ITGA8: variants seen among roughly 807,000 people sequenced by gnomAD.
The protein encoded by ITGA8 is integrin alpha-8.
A neutral mutation model predicts 142.3 loss-of-function variants in ITGA8; 91 were observed. That is an observed-to-expected ratio of 0.64 (90% confidence interval 0.54 to 0.76). The LOEUF is 0.76. ITGA8 is among the 30% of genes least tolerant of loss of function. ITGA8 has a pLI of 0.00. For synonymous variants in ITGA8, 505 were observed against 485.2 expected, an observed-to-expected ratio of 1.04 and a Z score of -0.54; for missense variants, 1,406 against 1,327.7, an observed-to-expected ratio of 1.06 and a Z score of -0.92.
chr10:15,620,311 ACACACAC>A (rs1275426216), intron 13 of ITGA8, among the ~76,000 whole-genome samples: 1 of 18,350 alleles, frequency 5.4e-5, no homozygotes, highest in African/African-American at 9.4e-5. Flanking sequence ...GTTGAGATAC[ACACACAC>A]ACACACACAC....
intron 28 of ITGA8, among the ~76,000 whole-genome samples, 191 bp downstream of exon 28, chr10:15,530,859 A>T (rs1215175930): frequency 1.3e-5 from 2 of 152,230 alleles, no homozygotes; most frequent in Non-Finnish European, 2.9e-5. Context: ...GTAGACATTT[A>T]TATTGAAAGT....
At chr10:15,712,462 A>G (rs1200454517) in intron 2 of ITGA8, among the ~76,000 whole-genome samples, 4 of 152,142 alleles carry the variant, frequency 2.6e-5, no homozygotes, top group Admixed American at 2.6e-4. Context: ...CTAGCTGGGC[A>G]TGGCAGTGGG....
chr10:15,680,375 CT>C (rs1396444510), intron 4 of ITGA8, among the ~76,000 whole-genome samples: 1 of 151,782 alleles, frequency 6.6e-6, no homozygotes, highest in African/African-American at 2.4e-5. Context: ...TTTAAAAACA[CT>C]TTTTAACCTC....
At chr10:15,536,790 A>G (rs533004535) in intron 27 of ITGA8, among the ~76,000 whole-genome samples, 61 of 152,296 alleles carry the variant, frequency 4.0e-4, no homozygotes, top group Non-Finnish European at 8.1e-4. Context: ...CTTTTGCACA[A>G]TGATTTGCTT....
At chr10:15,693,210 G>A (rs1325070312) in intron 2 of ITGA8, among the ~76,000 whole-genome samples, 1 of 152,156 alleles carries the variant, frequency 6.6e-6, no homozygotes, top group African/African-American at 2.4e-5. Flanking sequence ...AGTTTCAAAA[G>A]ACATTTGTAC....
rs185282013 is a variant in ITGA8 at position 15,685,047 on chromosome 10, A to C, written c.445-920T>G. ...ACTTCATGGTTTTTATTCATGGCAAAACTGAAAGTAGAAGCATCTTATGCC... is the reference window on the plus strand; with the variant it reads ...ACTTCATGGTTTTTATTCATGGCAACACTGAAAGTAGAAGCATCTTATGCC... On this transcript the variant is annotated intron_variant, in intron 3 of 29. Transcript: ENST00000378076. 1.7e-3 allele frequency among the ~76,000 whole-genome samples: 261 copies of C among 152,254 alleles called. 1 individual carries two copies. Among genetic ancestry groups the C allele is most frequent in the African/African-American group, 6.0e-3 (248 of 41,550 alleles).
chr10:15,557,770 G>C (rs140861026), intron 26 of ITGA8, among the ~76,000 whole-genome samples: 189 of 152,298 alleles, frequency 1.2e-3, no homozygotes, highest in African/African-American at 4.4e-3. Flanking sequence ...ATCTATGCAC[G>C]GACTAACAAC....
chr10:15,611,734 C>T (rs1381842422), intron 15 of ITGA8, among the ~76,000 whole-genome samples: 1 of 151,896 alleles, frequency 6.6e-6, no homozygotes, highest in Non-Finnish European at 1.5e-5. Context: ...CCGCCTTGGC[C>T]TCCCAAAGTG....
At chr10:15,699,114 C>T (rs1835111486) in intron 2 of ITGA8, among the ~76,000 whole-genome samples, 1 of 152,066 alleles carries the variant, frequency 6.6e-6, no homozygotes, top group African/African-American at 2.4e-5. Context: ...TGAAACCTCA[C>T]CTCTACTAAA....
intron 8 of ITGA8, among the ~76,000 whole-genome samples, chr10:15,666,336 TAAG>T (rs1379404859): frequency 6.6e-6 from 1 of 152,214 alleles, no homozygotes; most frequent in African/African-American, 2.4e-5. Context: ...TATTGGTGTA[TAAG>T]AATGCTTGTG....
At chr10:15,675,878 C>G (rs1564404085) in intron 6 of ITGA8, among the ~76,000 whole-genome samples, 1 of 152,164 alleles carries the variant, frequency 6.6e-6, no homozygotes, top group African/African-American at 2.4e-5. Context: ...TTCTATGTCT[C>G]AGACAAATGC....
chr10:15,644,433 A>AACATATATATATATATATATATAT (rs1222711473), intron 12 of ITGA8, among the ~76,000 whole-genome samples: 1 of 42,452 alleles, frequency 2.4e-5, no homozygotes, highest in Non-Finnish European at 4.1e-5. Context: ...ATGTCAGGCT[A>AACATATATATATATATATATATAT]ATATATATAT....
intron 13 of ITGA8, among the ~76,000 whole-genome samples, chr10:15,632,457 A>G (rs929251782): frequency 4.6e-5 from 7 of 152,232 alleles, no homozygotes; most frequent in Admixed American, 2.0e-4. Context: ...TGGTCTTTTC[A>G]TAAATGCAGC....
intron 13 of ITGA8, among the ~76,000 whole-genome samples, chr10:15,627,494 A>G (rs1265844422): frequency 6.6e-6 from 1 of 152,216 alleles, no homozygotes; most frequent in Non-Finnish European, 1.5e-5. Context: ...AATTGCAGGA[A>G]AACGTCAGTA....
intron 2 of ITGA8, among the ~76,000 whole-genome samples, chr10:15,704,637 A>G (rs1835224645): frequency 2.6e-5 from 4 of 152,208 alleles, no homozygotes; most frequent in African/African-American, 2.4e-5. Flanking sequence ...AGAACTCTCA[A>G]TATGGCTTCA....
chr10:15,544,302 A>C (rs1833628654), intron 27 of ITGA8, among the ~76,000 whole-genome samples: 1 of 134,280 alleles, frequency 7.4e-6, no homozygotes, highest in Non-Finnish European at 1.5e-5. Context: ...TGTCTCTACC[A>C]AAAAAAAACA....
At chr10:15,652,447 A>AT (rs58299147) in intron 11 of ITGA8, among the ~76,000 whole-genome samples, 109,727 of 145,444 alleles carry the variant, frequency 0.75, 41,292 homozygotes, top group Middle Eastern at 0.82. Flanking sequence ...CCACAGTGGG[A>AT]TTTTTTTTTT....
At position 15,576,053 on chromosome 10, in the gene ITGA8, T is replaced by C. The variant is rs9333187; in HGVS notation, c.2373-459A>G. ...TCTTTTTTGCAGATAAAAAAAAGTC[T>C]AGGATGCCGTGTGTTGTGTTAAATG... On this transcript the variant is annotated intron_variant, in intron 23 of 29. Coordinates refer to ENST00000378076, the MANE Select transcript of ITGA8 (RefSeq NM_003638.3). 2.3e-3 allele frequency among the ~76,000 whole-genome samples: 356 copies of C among 152,246 alleles called. 2 individuals carry two copies. The highest frequency in any genetic ancestry group is 8.1e-3 in the African/African-American group (335 of 41,532).
In ITGA8 at chr10:15,694,721, C is replaced by T. The variant is rs546387776; in HGVS notation, c.344-6683G>A. 1.5e-4 allele frequency among the ~76,000 whole-genome samples: 10 copies of T among 67,600 alleles called. No homozygotes were observed. The South Asian group carries it at 4.4e-3, about 30-fold the overall frequency. The allele number at this position is 67,600 out of a possible 152,430, so 44.3% of individuals were successfully genotyped here. ...TATATATGTCGACATATGTATTTCT[C>T]TCTTAGGAACCTAGAAATTCAACCT... is the stretch of plus-strand genomic sequence containing the variant. On this transcript the variant is annotated intron_variant, in intron 2 of 29. Transcript: ENST00000378076.
Sources: allele counts gnomAD v4.1 joint callset (sites outside exome capture counted in the v4.1 genomes callset), GRCh38; gene constraint gnomAD v4.1.1; transcripts MANE v1.5; gene names NCBI Gene and HGNC (gene_info 2026-07-23, HGNC 2026-07-21).